HSPG2: variants seen among roughly 807,000 people sequenced by gnomAD.
HSPG2 encodes basement membrane-specific heparan sulfate proteoglycan core protein.
A neutral mutation model predicts 526.6 loss-of-function variants in HSPG2; 278 were observed. That is an observed-to-expected ratio of 0.53 (90% CI 0.48 to 0.58). HSPG2 has a LOEUF of 0.58. HSPG2 is among the 20% of genes least tolerant of loss of function. HSPG2 has a pLI of 0.00. For synonymous variants in HSPG2, 2,465 were observed against 2,555.4 expected, an observed-to-expected ratio of 0.96 and a Z score of 1.07; for missense variants, 5,354 against 6,099.5, an observed-to-expected ratio of 0.88 and a Z score of 4.07.
In HSPG2 at chr1:21,855,616, G is replaced by A. The variant is rs1250450954; in HGVS notation, c.5761C>T (p.Pro1921Ser). 1.3e-6 allele frequency: 2 copies of A among 1,579,330 alleles called. No homozygotes were observed. The highest frequency in any genetic ancestry group is 1.7e-6 in the Non-Finnish European group (2 of 1,165,334). Residue 1921 changes from proline to serine, a missense_variant, in exon 46 of 97, where the codon CCA becomes TCA. Coordinates refer to ENST00000374695, the MANE Select transcript of HSPG2 (RefSeq NM_005529.7). The stretch of plus-strand genomic sequence containing the variant: ...GCCTGATCCGTGGGCTCGACAGCTG[G>A]CAGGCGCAGGATGCCGCCGTGGATT... ...AQIHGGILRL[P>S]AVEPTDQAQY...
intron 1 of HSPG2, among the ~76,000 whole-genome samples, chr1:21,915,659 C>A (rs1239679368): frequency 1.3e-5 from 2 of 152,204 alleles, no homozygotes; most frequent in Non-Finnish European, 2.9e-5. Flanking sequence ...CACAGCGCTT[C>A]CGACAGAACT....
chr1:21,841,482 A>AGCTGAGAATCAGG, intron 70 of HSPG2, 57 bp downstream of exon 70: 2 of 1,610,042 alleles, frequency 1.2e-6, no homozygotes, highest in Non-Finnish European at 1.7e-6. Context: ...GGAGGCTCTG[A>AGCTGAGAATCAGG]GCTGAGAATC....
At chr1:21,913,552 C>T (rs1168276794) in intron 1 of HSPG2, among the ~76,000 whole-genome samples, 1 of 152,230 alleles carries the variant, frequency 6.6e-6, no homozygotes, top group African/African-American at 2.4e-5. Context: ...TCTCTGCTCC[C>T]TGCCCAACCC....
At chr1:21,889,344 T>G (rs1009288129) in intron 6 of HSPG2, among the ~76,000 whole-genome samples, 1 of 152,180 alleles carries the variant, frequency 6.6e-6, no homozygotes, top group Non-Finnish European at 1.5e-5. Flanking sequence ...GAAGGAAATC[T>G]GGGCTGACCC....
chr1:21,830,934 G>T (rs1343478070), intron 85 of HSPG2, 48 bp downstream of exon 85: 1 of 1,308,380 alleles, frequency 7.6e-7, no homozygotes, highest in African/African-American at 1.5e-5. Flanking sequence ...GCAGCAAAGG[G>T]AAGAGGCAGG....
chr1:21,828,910 C>G lies in HSPG2; in HGVS notation c.12162G>C (p.Leu4054=). 5 of 1,561,268 alleles carry G rather than the reference C, an allele frequency of 3.2e-6. No homozygotes were observed. The highest frequency in any genetic ancestry group is 3.5e-6 in the Non-Finnish European group (4 of 1,152,652). The part of the protein sequence containing the change: ...QGLNLHTLLY[L]GGVEPSVPLS... ...GTGGCACGGAAGGCTCCACACCCCCCAGGTAGAGCAGGGTGTGCAGGTTGA... is the reference window on the plus strand; with the variant it reads ...GTGGCACGGAAGGCTCCACACCCCCGAGGTAGAGCAGGGTGTGCAGGTTGA... The change falls in exon 88 of 97, where the codon CTG becomes CTC. Residue 4054 remains leucine (L), a synonymous_variant. Transcript: ENST00000374695. The surrounding 1 kb of genome is among the most constrained non-coding windows in gnomAD (Gnocchi z 6.0).
In HSPG2 at chr1:21,823,118, T is replaced by TA; in HGVS notation, c.*197_*198insT. On this transcript the variant is annotated 3_prime_UTR_variant, in exon 97 of 97. Transcript: ENST00000374695. Reference sequence around the variant, plus strand: ...GTGCCCACTCCCATCCAACCTGCCTTGCTGGCCAGCCTTGTGGCTTTGCCC... The same window carrying TA: ...GTGCCCACTCCCATCCAACCTGCCTTAGCTGGCCAGCCTTGTGGCTTTGCCC... The TA allele has an allele frequency of 1.9e-6, 1 of 518,944 alleles. No individual in the cohort carries two copies. The highest frequency in any genetic ancestry group is 3.2e-5 in the East Asian group (1 of 31,116). The allele number at this position is 518,944 out of a possible 1,614,324, so 32.1% of individuals were successfully genotyped here.
chr1:21,861,950 TG>T, intron 38 of HSPG2, 37 bp downstream of exon 38: 1 of 1,614,190 alleles, frequency 6.2e-7, no homozygotes, highest in Non-Finnish European at 8.5e-7. Context: ...CATTCCCCAG[TG>T]GAAGTGTGTC....
At chr1:21,875,093 C>T in intron 25 of HSPG2, 91 bp from the exon 26 acceptor site, 1 of 928,290 alleles carries the variant, frequency 1.1e-6, no homozygotes, top group Non-Finnish European at 1.7e-6. Flanking sequence ...TATTAGTCCT[C>T]CCGACAGCCC....
At chr1:21,918,626 C>A (rs951381430) in intron 1 of HSPG2, among the ~76,000 whole-genome samples, 2 of 152,096 alleles carry the variant, frequency 1.3e-5, no homozygotes, top group African/African-American at 4.8e-5. Context: ...TATTACCACC[C>A]TCATTCTATA....
rs114487256 is a variant in HSPG2 at position 21,896,830 on chromosome 1, C to G, written c.64-520G>C. ...CCATTTGGCTCCTCTTCCTGCCTCA[C>G]TCTGGCCTGCCCGTCTCCAGGCTGC... On this transcript the variant is annotated intron_variant, in intron 1 of 96. Coordinates refer to ENST00000374695, the MANE Select transcript of HSPG2 (RefSeq NM_005529.7). Among the ~76,000 whole-genome samples, 822 of 152,336 alleles carry G rather than the reference C, an allele frequency of 5.4e-3. 8 individuals carry two copies. The highest frequency in any genetic ancestry group is 0.019 in the African/African-American group (798 of 41,568).
chr1:21,896,657 G>A (rs1235126510), intron 1 of HSPG2, among the ~76,000 whole-genome samples: 4 of 152,154 alleles, frequency 2.6e-5, no homozygotes, highest in South Asian at 2.1e-4. Context: ...GGGGGGATGC[G>A]GGCGGGTAAA....
Position 21,842,139 on chromosome 1 carries a change from A to T in HSPG2, c.9056T>A (p.Leu3019His). ...GTCGATGGAGATGACCGGGCTCCTA[A>T]GGCCTGGGGCCAAAGGGGCAGAGGG... ...VPPSEGSSYRLRSPVISIDPP... is the reference protein window; with the variant it reads ...VPPSEGSSYRHRSPVISIDPP... Residue 3019 changes from leucine (L) to histidine (H), a missense_variant, in exon 69 of 97, where the codon CTT (leucine) becomes CAT (histidine). Coordinates refer to ENST00000374695, the MANE Select transcript of HSPG2 (RefSeq NM_005529.7). 1 of 1,613,710 alleles carries T rather than the reference A, an allele frequency of 6.2e-7. No homozygotes were observed. The highest frequency in any genetic ancestry group is 8.5e-7 in the Non-Finnish European group (1 of 1,179,978).
chr1:21,854,781 G>A lies in HSPG2; in HGVS notation c.6134-16C>T. On this transcript the variant is annotated splice_polypyrimidine_tract_variant and intron_variant, in intron 48 of 96. Transcript: ENST00000374695. ...GCATCTGAGGCTGGGGCCAGAGTAG[G>A]GGTCAGCAGGCCCCAGGGGAGCCCT... 1 of 1,613,404 alleles carries A rather than the reference G, an allele frequency of 6.2e-7. No homozygotes were observed. The highest frequency in any genetic ancestry group is 8.5e-7 in the Non-Finnish European group (1 of 1,179,758).
chr1:21,930,079 G>T (rs957172496), intron 1 of HSPG2, among the ~76,000 whole-genome samples: 2 of 151,646 alleles, frequency 1.3e-5, no homozygotes, highest in Non-Finnish European at 2.9e-5. Context: ...CCACCCCCCT[G>T]CCTGCTGCAT....
chr1:21,906,560 C>T (rs941169615), intron 1 of HSPG2, among the ~76,000 whole-genome samples: 2 of 152,162 alleles, frequency 1.3e-5, no homozygotes, highest in Admixed American at 6.5e-5. Flanking sequence ...AAGGGGTCCT[C>T]GTCCTGAAGC....
rs369691876 is a variant in HSPG2, at chr1:21,840,024, G to T, written c.9514-7C>A. On this transcript the variant is annotated splice_polypyrimidine_tract_variant and splice_region_variant and intron_variant, in intron 71 of 96. Transcript: ENST00000374695. ...ATGGTTTAGCTGATGAAATCTGGGA[G>T]AAAGCAAGGAGGCTGGTTATGTGGG... 1.3e-5 allele frequency: 21 copies of T among 1,614,042 alleles called. No homozygotes were observed. Among genetic ancestry groups the T allele is most frequent in the Non-Finnish European group, 1.6e-5 (19 of 1,179,956 alleles).
In HSPG2 at chr1:21,864,045, C is replaced by T; in HGVS notation, c.4740+55G>A. 7.4e-7 allele frequency: 1 copy of T among 1,356,578 alleles called. No homozygotes were observed. The highest frequency in any genetic ancestry group is 1.0e-6 in the Non-Finnish European group (1 of 971,338). 84.0% of individuals were successfully genotyped at this position (1,356,578 alleles called of 1,614,324 possible). A position where few individuals can be genotyped will look rare whatever the true frequency, so the allele number is the denominator to read the frequency against. ...ATGCCTGCCTTGTCCAGCCCTGGTC[C>T]CCCACCCAGGCCCAGCTGAGCTGAC... On this transcript the variant is annotated intron_variant, in intron 37 of 96. Coordinates refer to ENST00000374695, the MANE Select transcript of HSPG2 (RefSeq NM_005529.7). The surrounding 1 kb of genome is among the most constrained non-coding windows in gnomAD (Gnocchi z 4.8).
chr1:21,832,714 G>A, intron 80 of HSPG2, 108 bp from the exon 81 acceptor site: 1 of 791,122 alleles, frequency 1.3e-6, no homozygotes, highest in Non-Finnish European at 2.2e-6. Context: ...CTCGGAACCT[G>A]TCCCTCCCTC....
Sources: gnomAD v4.1 joint callset for allele counts (sites outside exome capture counted in the v4.1 genomes callset) on GRCh38, gnomAD v4.1.1 for gene constraint, Gnocchi (gnomAD v3.1) non-coding constraint, MANE v1.5 for transcripts, NCBI Gene and HGNC (gene_info 2026-07-23, HGNC 2026-07-21) for gene names.